MSR1: variants seen among roughly 807,000 people sequenced by gnomAD.
The protein encoded by MSR1 is macrophage scavenger receptor 1, also known as macrophage scavenger receptor types I and II.
Under a neutral mutation model 47.2 loss-of-function variants are expected in MSR1, and 53 were observed. The ratio of observed to expected loss-of-function variants is 1.12; its 90% CI spans 0.90 to 1.41. The LOEUF is 1.41. Among genes scored for constraint, MSR1 ranks in the 40% most tolerant of loss-of-function variants. The probability of loss-of-function intolerance (pLI) is 0.00; values close to 1 mark genes in which losing one functional copy is unlikely to be tolerated. For missense variants in MSR1, 786 were observed against 546.9 expected (o/e 1.44, Z -4.36); for synonymous variants, 239 against 185.6 (o/e 1.29, Z -2.34).
At chr8:16,185,989 A>G (rs1801986976) in intron 1 of MSR1, among the ~76,000 whole-genome samples, 1 of 152,162 alleles carries the variant, frequency 6.6e-6, no homozygotes, top group Admixed American at 6.6e-5. Flanking sequence ...AGGGTCATGG[A>G]AAAGAACAAA....
At position 16,168,711 on chromosome 8, in the gene MSR1, T is replaced by C. The variant is rs1348673851; in HGVS notation, c.377A>G (p.Gln126Arg). The C allele has an allele frequency of 2.5e-6, 4 of 1,614,076 alleles. No homozygotes were observed. Among genetic ancestry groups the C allele is most frequent in the Admixed American group, 3.3e-5 (2 of 60,010 alleles). Residue 126 changes from glutamine to arginine, a missense_variant, in exon 4 of 10, where the codon CAG becomes CGG. Transcript: ENST00000262101. ...GTTGGCTTCCATGTCTAAAATATGC[T>C]GGATTCTCTTCTCCATGTTGCTCAT... is the stretch of plus-strand genomic sequence containing the variant. ...EHMSNMEKRI[Q>R]HILDMEANLM...
intron 8 of MSR1, chr8:16,140,874 G>A (rs1241545682): frequency 1.2e-5 from 20 of 1,600,122 alleles, no homozygotes; most frequent in Middle Eastern, 1.7e-4. Context: ...GGTACAACAC[G>A]GGAACCAAAG....
At chr8:16,130,432 T>C (rs956172745) in intron 8 of MSR1, among the ~76,000 whole-genome samples, 3 of 152,186 alleles carry the variant, frequency 2.0e-5, no homozygotes, top group African/African-American at 7.2e-5. Context: ...ATGAGCACTG[T>C]ATTTTATCTT....
intron 4 of MSR1, among the ~76,000 whole-genome samples, chr8:16,166,657 G>T (rs920681966): frequency 6.6e-6 from 1 of 151,816 alleles, no homozygotes; most frequent in Non-Finnish European, 1.5e-5. Context: ...TTTTGTAGTC[G>T]TACAGTCCTT....
intron 5 of MSR1, among the ~76,000 whole-genome samples, chr8:16,155,701 T>C (rs188478049): frequency 6.6e-6 from 1 of 151,372 alleles, no homozygotes; most frequent in Non-Finnish European, 1.5e-5. Flanking sequence ...ATTGAGAAAG[T>C]AGGATATGAG....
intron 8 of MSR1, among the ~76,000 whole-genome samples, chr8:16,127,681 A>G (rs1282445268): frequency 1.3e-5 from 2 of 152,214 alleles, no homozygotes; most frequent in African/African-American, 4.8e-5. Context: ...AATGAATATA[A>G]CATATCTAAA....
At chr8:16,157,555 AT>A (rs1344183978) in intron 5 of MSR1, among the ~76,000 whole-genome samples, 2 of 151,886 alleles carry the variant, frequency 1.3e-5, no homozygotes, top group Non-Finnish European at 2.9e-5. Flanking sequence ...ATTATGTTTC[AT>A]TTTTGTACAT....
intron 6 of MSR1, 29 bp downstream of exon 6, chr8:16,155,035 A>G (rs2117144724): frequency 1.3e-6 from 2 of 1,560,918 alleles, no homozygotes; most frequent in Non-Finnish European, 1.8e-6. Context: ...TCTTCACAGT[A>G]TATGATTAAA....
chr8:16,180,881 C>G (rs1204193524), intron 1 of MSR1, among the ~76,000 whole-genome samples: 1 of 152,098 alleles, frequency 6.6e-6, no homozygotes, highest in Non-Finnish European at 1.5e-5. Flanking sequence ...GGACTCTGTT[C>G]TTTAATGGAT....
intron 8 of MSR1, among the ~76,000 whole-genome samples, chr8:16,127,558 G>C (rs1302160824): frequency 6.6e-6 from 1 of 152,122 alleles, no homozygotes; most frequent in Non-Finnish European, 1.5e-5. Flanking sequence ...GCTTGTCAAG[G>C]GGAAAGCTCA....
In MSR1 at chr8:16,131,677, T is replaced by C. The variant is rs73205018; in HGVS notation, c.1034-11071A>G. Among the ~76,000 whole-genome samples the C allele has an allele frequency of 1.2e-3, 183 of 152,036 alleles. 3 individuals are homozygous for C. Among genetic ancestry groups the C allele is most frequent in the Admixed American group, 1.9e-3 (29 of 15,264 alleles). On this transcript the variant is annotated intron_variant, in intron 8 of 9. Transcript: ENST00000262101. ...TTTTGTATATGGTGTAAGGAAAGAG[T>C]TCAGTTTCAGTCTTCTGCATATGGC...
intron 1 of MSR1, among the ~76,000 whole-genome samples, chr8:16,184,577 T>C (rs1320936034): frequency 6.6e-6 from 1 of 152,160 alleles, no homozygotes; most frequent in African/African-American, 2.4e-5. Flanking sequence ...ATTTTTCTGA[T>C]CGCATAAATT....
chr8:16,169,504 T>C (rs1801420193), intron 3 of MSR1, among the ~76,000 whole-genome samples: 1 of 152,268 alleles, frequency 6.6e-6, no homozygotes, highest in South Asian at 2.1e-4. Context: ...ATAAGACTCC[T>C]TTTTAACTAT....
chr8:16,191,959 A>G (rs1023616331), intron 1 of MSR1, among the ~76,000 whole-genome samples: 5 of 152,176 alleles, frequency 3.3e-5, no homozygotes, highest in East Asian at 3.9e-4. Context: ...TAGCATTTTC[A>G]TACTACTTAA....
chr8:16,111,031 G>A (rs1438636170), intron 9 of MSR1, among the ~76,000 whole-genome samples: 1 of 150,988 alleles, frequency 6.6e-6, no homozygotes, highest in Non-Finnish European at 1.5e-5. Flanking sequence ...AACCTTGCCA[G>A]GGACACTTTT....
rs369108477 is a variant in MSR1 at position 16,143,592 on chromosome 8, G to A, written c.999C>T (p.Gly333=). The change falls in exon 8 of 10, where the codon GGC becomes GGT. Residue 333 remains glycine, a synonymous_variant. Transcript: ENST00000262101. Reference sequence around the variant, plus strand: ...TTCCACTCCCCTTTTCCCCTTTCTGGCCTTTTGGTCCAGAATTTCCTTGAG... The same window carrying A: ...TTCCACTCCCCTTTTCCCCTTTCTGACCTTTTGGTCCAGAATTTCCTTGAG... ...AGRPGNSGPK[G]QKGEKGSGNT... 2.5e-6 allele frequency: 4 copies of A among 1,612,178 alleles called. No homozygotes were observed. The highest frequency in any genetic ancestry group is 3.4e-6 in the Non-Finnish European group (4 of 1,178,914).
intron 8 of MSR1, among the ~76,000 whole-genome samples, chr8:16,125,364 C>T (rs1216987449): frequency 6.6e-6 from 1 of 152,230 alleles, no homozygotes; most frequent in South Asian, 2.1e-4. Context: ...TACAAAGAGA[C>T]TTAGCAGTGA....
chr8:16,165,374 G>A (rs1428946342), intron 4 of MSR1, among the ~76,000 whole-genome samples: 1 of 152,030 alleles, frequency 6.6e-6, no homozygotes, highest in Admixed American at 6.6e-5. Flanking sequence ...TTATAGTGAG[G>A]TTAAAGTATC....
At chr8:16,175,578 C>T (rs2117203107) in intron 2 of MSR1, among the ~76,000 whole-genome samples, 1 of 152,252 alleles carries the variant, frequency 6.6e-6, no homozygotes, top group African/African-American at 2.4e-5. Flanking sequence ...CTTTTGGAAT[C>T]AGCTGGTAAA....
Sources: gnomAD v4.1 joint callset for allele counts (sites outside exome capture counted in the v4.1 genomes callset) on GRCh38, gnomAD v4.1.1 for gene constraint, MANE v1.5 for transcripts, NCBI Gene and HGNC (gene_info 2026-07-23, HGNC 2026-07-21) for gene names.